The following NEBL variants were observed in gnomAD, a reference collection of about 807,000 sequenced individuals.
NEBL encodes the protein nebulette.
A neutral mutation model predicts 140.2 loss-of-function variants in NEBL; 122 were observed. The ratio of observed to expected loss-of-function variants is 0.87; its 90% CI spans 0.75 to 1.01. NEBL has a LOEUF of 1.01. NEBL is among the 50% of genes least tolerant of loss of function. The pLI, the probability that NEBL is intolerant of heterozygous loss-of-function variation, is 0.00. For missense variants in NEBL, 1,365 were observed against 1,231.3 expected (o/e 1.11, Z -1.62); for synonymous variants, 436 against 398.9 (o/e 1.09, Z -1.11).
intron 4 of NEBL, among the ~76,000 whole-genome samples, chr10:20,904,302 G>A (rs926610341): frequency 2.0e-5 from 3 of 152,080 alleles, no homozygotes; most frequent in Non-Finnish European, 4.4e-5. Flanking sequence ...TCCTTACTAT[G>A]CATTTATATG....
chr10:20,899,394 GT>G (rs1847745607), upstream of NEBL: 1 of 1,303,512 alleles, frequency 7.7e-7, no homozygotes, highest in Admixed American at 2.3e-5. Flanking sequence ...CAGGCTTGCA[GT>G]GCAGTTATTT....
chr10:21,143,355 A>G (rs1218189850), intron 2 of NEBL, among the ~76,000 whole-genome samples: 2 of 146,194 alleles, frequency 1.4e-5, no homozygotes, highest in African/African-American at 5.1e-5. Flanking sequence ...AGGCTGAGGC[A>G]GGAGAATAGC....
chr10:21,248,482 G>T (rs1027015931), intron 2 of NEBL, among the ~76,000 whole-genome samples: 6 of 152,066 alleles, frequency 3.9e-5, no homozygotes, highest in Non-Finnish European at 8.8e-5. Flanking sequence ...CATCCATGTT[G>T]TATCATGTGT....
chr10:20,968,574 C>T (rs921006618), intron 3 of NEBL, among the ~76,000 whole-genome samples: 6 of 152,068 alleles, frequency 3.9e-5, no homozygotes, highest in African/African-American at 9.7e-5. Flanking sequence ...CAAGGGGATG[C>T]GTCGCATGTA....
intron 4 of NEBL, among the ~76,000 whole-genome samples, chr10:20,921,770 C>T (rs1833593439): frequency 6.9e-6 from 1 of 144,638 alleles, no homozygotes; most frequent in Admixed American, 7.2e-5. Context: ...CATGCACACA[C>T]ATACATGTAC....
chr10:21,190,451 T>C (rs1457162854), intron 3 of NEBL, among the ~76,000 whole-genome samples: 2 of 152,150 alleles, frequency 1.3e-5, no homozygotes, highest in African/African-American at 4.8e-5. Flanking sequence ...ACCACTGCAC[T>C]CCAGCCTGTG....
chr10:20,882,345 A>G (rs1588930178), intron 4 of NEBL, among the ~76,000 whole-genome samples: 2 of 134,344 alleles, frequency 1.5e-5, no homozygotes, highest in Non-Finnish European at 1.7e-5. Flanking sequence ...GAGGAAAAGG[A>G]AAAGGGGAAG....
At chr10:21,024,394 G>A (rs1413305474) in intron 2 of NEBL, among the ~76,000 whole-genome samples, 2 of 151,844 alleles carry the variant, frequency 1.3e-5, no homozygotes, top group Admixed American at 6.6e-5. Flanking sequence ...AGGGAAAGAA[G>A]GAATTTATAC....
rs112412623 is a variant in NEBL at position 20,823,005 on chromosome 10, A to C, written c.1962+203T>G. Among the ~76,000 whole-genome samples the C allele has an allele frequency of 0.012, 1,836 of 152,262 alleles. 31 individuals are homozygous for C. The highest frequency in any genetic ancestry group is 0.041 in the African/African-American group (1,688 of 41,538). On this transcript the variant is annotated intron_variant, in intron 19 of 27. Coordinates refer to ENST00000377122, the MANE Select transcript of NEBL (RefSeq NM_006393.3). ...GTATGTCTGAATAATATGTGTCTTTAATAAATAAATGCTGACACAAGGCAT... is the reference window on the plus strand; with the variant it reads ...GTATGTCTGAATAATATGTGTCTTTCATAAATAAATGCTGACACAAGGCAT...
chr10:21,026,134 A>G (rs7081531), intron 2 of NEBL, among the ~76,000 whole-genome samples: 3,167 of 152,320 alleles, frequency 0.021, 97 homozygotes, highest in African/African-American at 0.073. Context: ...CAACTCAGAC[A>G]TATAAAGCTA....
intron 2 of NEBL, among the ~76,000 whole-genome samples, chr10:21,082,535 TAAAAAAAAAAAAA>T (rs61234594): frequency 0.71 from 84,919 of 118,894 alleles, 29,889 homozygotes; most frequent in Middle Eastern, 0.84. Context: ...CCACCACCAC[TAAAAAAAAAAAAA>T]AAAAAAAAAA....
intron 2 of NEBL, among the ~76,000 whole-genome samples, chr10:21,045,832 T>C (rs937988418): frequency 6.6e-6 from 1 of 152,142 alleles, no homozygotes; most frequent in Non-Finnish European, 1.5e-5. Flanking sequence ...AAAATAGAAT[T>C]ACTATGTAAT....
intron 1 of NEBL, among the ~76,000 whole-genome samples, chr10:21,279,293 T>TAA (rs1842962672): frequency 1.3e-5 from 2 of 149,288 alleles, no homozygotes; most frequent in African/African-American, 4.9e-5. Context: ...TTTTCAATTT[T>TAA]TTTTTTTTTT....
intron 2 of NEBL, among the ~76,000 whole-genome samples, chr10:20,892,472 C>T (rs375027575): frequency 5.9e-5 from 9 of 152,294 alleles, no homozygotes; most frequent in East Asian, 5.8e-4. Context: ...TACCTACCTC[C>T]GGGCTTTATA....
chr10:21,062,877 C>T (rs556356132), intron 2 of NEBL, among the ~76,000 whole-genome samples: 1 of 152,060 alleles, frequency 6.6e-6, no homozygotes, highest in Non-Finnish European at 1.5e-5. Flanking sequence ...ATGTTTTAAG[C>T]ATTTGAGTCT....
At chr10:21,138,522 A>G (rs535096268) in intron 2 of NEBL, among the ~76,000 whole-genome samples, 43 of 152,334 alleles carry the variant, frequency 2.8e-4, no homozygotes, top group African/African-American at 9.6e-4. Flanking sequence ...GTTCAATAAA[A>G]TGTCATCGGG....
At chr10:20,813,260 T>C (rs1222438750) in intron 23 of NEBL, among the ~76,000 whole-genome samples, 1 of 151,666 alleles carries the variant, frequency 6.6e-6, no homozygotes, top group Non-Finnish European at 1.5e-5. Context: ...AATATACTAA[T>C]TTAAATATAA....
At chr10:21,013,838 A>G (rs1337736678) in intron 3 of NEBL, among the ~76,000 whole-genome samples, 1 of 152,206 alleles carries the variant, frequency 6.6e-6, no homozygotes, top group Non-Finnish European at 1.5e-5. Flanking sequence ...AGATCGTGCC[A>G]CTGCACTCCA....
chr10:21,207,588 A>C (rs1000461112), intron 3 of NEBL, among the ~76,000 whole-genome samples: 1 of 152,046 alleles, frequency 6.6e-6, no homozygotes, highest in Admixed American at 6.6e-5. Context: ...GCTGGACTAC[A>C]TCATGGGCTC....
Sources: gnomAD v4.1 joint callset for allele counts (sites outside exome capture counted in the v4.1 genomes callset) on GRCh38, gnomAD v4.1.1 for gene constraint, MANE v1.5 for transcripts, NCBI Gene and HGNC (gene_info 2026-07-23, HGNC 2026-07-21) for gene names.